Variants in TNFRSF1B observed in about 807,000 individuals in gnomAD.
TNFRSF1B encodes the protein TNF receptor superfamily member 1B, also known as tumor necrosis factor receptor superfamily member 1B.
A neutral mutation model predicts 44.6 loss-of-function variants in TNFRSF1B; 19 were observed. That is an observed-to-expected ratio of 0.43 (90% CI 0.30 to 0.62). TNFRSF1B has a LOEUF of 0.62. Ranked by LOEUF, TNFRSF1B falls within the 20% of genes least tolerant of loss-of-function variation. The pLI, the probability that TNFRSF1B is intolerant of heterozygous loss-of-function variation, is 0.16. For missense variants in TNFRSF1B, 541 were observed against 619.9 expected (o/e 0.87, Z 1.35); for synonymous variants, 252 against 261.1 (o/e 0.97, Z 0.34).
chr1:12,195,479 T>C (rs927022306), intron 8 of TNFRSF1B, among the ~76,000 whole-genome samples: 2 of 152,168 alleles, frequency 1.3e-5, no homozygotes, highest in African/African-American at 4.8e-5. Flanking sequence ...CATAAGATGG[T>C]AATCATCACT....
At chr1:12,167,574 G>C (rs1638422770) in intron 1 of TNFRSF1B, 2 of 306,728 alleles carry the variant, frequency 6.5e-6, no homozygotes, top group Admixed American at 5.5e-5. Flanking sequence ...TGGAGAAGGG[G>C]CTGTGCCGGG....
rs1428640704 is a variant in TNFRSF1B, at chr1:12,167,151, G to A, written c.60G>A (p.Ala20=). The part of the protein sequence containing the change: ...LAVGLELWAA[A]HALPAQVAFT... ...TCGGACTGGAGCTCTGGGCTGCGGC[G>A]CACGCCTTGCCCGCCCAGGTGGGTG... The change falls in exon 1 of 10, where the codon GCG becomes GCA. Residue 20 remains alanine, a synonymous_variant. Coordinates refer to ENST00000376259, the MANE Select transcript of TNFRSF1B (RefSeq NM_001066.3). 3.8e-6 allele frequency: 5 copies of A among 1,310,258 alleles called. No homozygotes were observed. The highest frequency in any genetic ancestry group is 4.9e-6 in the Non-Finnish European group (5 of 1,026,546). The allele number at this position is 1,310,258 out of a possible 1,614,324, so 81.2% of individuals were successfully genotyped here. A position where few individuals can be genotyped will look rare whatever the true frequency, so the allele number is the denominator to read the frequency against.
At chr1:12,191,335 A>T (rs542781729) in intron 3 of TNFRSF1B, among the ~76,000 whole-genome samples, 73 of 152,300 alleles carry the variant, frequency 4.8e-4, no homozygotes, top group Non-Finnish European at 9.3e-4. Flanking sequence ...GGTGCGTGGG[A>T]GAGTGGTGCG....
chr1:12,174,375 G>A (rs1008858336), intron 1 of TNFRSF1B, among the ~76,000 whole-genome samples: 2 of 151,946 alleles, frequency 1.3e-5, no homozygotes, highest in African/African-American at 4.8e-5. Flanking sequence ...AACCTTCCAA[G>A]TAACTGGGAT....
chr1:12,207,122 C>T lies in TNFRSF1B; in HGVS notation c.*102C>T. The T allele has an allele frequency of 7.6e-7, 1 of 1,311,214 alleles. No individual in the cohort carries two copies. Among genetic ancestry groups the T allele is most frequent in the Non-Finnish European group, 1.0e-6 (1 of 984,588 alleles). The allele number at this position is 1,311,214 out of a possible 1,614,324, so 81.2% of individuals were successfully genotyped here. A position where few individuals can be genotyped will look rare whatever the true frequency, so the allele number is the denominator to read the frequency against. On this transcript the variant is annotated 3_prime_UTR_variant, in exon 10 of 10. Coordinates refer to ENST00000376259, the MANE Select transcript of TNFRSF1B (RefSeq NM_001066.3). Reference sequence around the variant, plus strand: ...CTTCCAGGCCCCCACCACTAGGACTCTGAGGCTCTTTCTGGGCCAAGTTCC... The same window carrying T: ...CTTCCAGGCCCCCACCACTAGGACTTTGAGGCTCTTTCTGGGCCAAGTTCC...
chr1:12,167,580 C>T (rs1638423015), intron 1 of TNFRSF1B: 1 of 293,364 alleles, frequency 3.4e-6, no homozygotes, highest in Non-Finnish European at 6.6e-6. Context: ...AGGGGCTGTG[C>T]CGGGGCGCTG....
intron 3 of TNFRSF1B, 73 bp downstream of exon 3, chr1:12,191,158 T>C (rs924487616): frequency 6.4e-7 from 1 of 1,572,452 alleles, no homozygotes; most frequent in Non-Finnish European, 8.6e-7. Context: ...CCAGCCTCTT[T>C]GGCTTCCAGC....
Position 12,167,004 on chromosome 1 carries a change from C to T in TNFRSF1B, c.-88C>T. 3 of 1,025,926 alleles carry T rather than the reference C, an allele frequency of 2.9e-6. No homozygotes were observed. Among genetic ancestry groups the T allele is most frequent in the South Asian group, 3.8e-5 (1 of 26,232 alleles). The allele number at this position is 1,025,926 out of a possible 1,614,324, so 63.6% of individuals were successfully genotyped here. A position where few individuals can be genotyped will look rare whatever the true frequency, so the allele number is the denominator to read the frequency against. On this transcript the variant is annotated 5_prime_UTR_variant, in exon 1 of 10. Transcript: ENST00000376259. Reference sequence around the variant, plus strand: ...GCTTTCGCTTTCAGTCGAGGGCTAGCGAGCGCAGCGGAGCCTGGAGAGAAG... The same window carrying T: ...GCTTTCGCTTTCAGTCGAGGGCTAGTGAGCGCAGCGGAGCCTGGAGAGAAG...
At chr1:12,201,519 C>T (rs1409499503) in intron 8 of TNFRSF1B, among the ~76,000 whole-genome samples, 1 of 150,490 alleles carries the variant, frequency 6.6e-6, no homozygotes, top group Non-Finnish European at 1.5e-5. Context: ...TGTCCAAGGT[C>T]ACACAGCAAG....
rs1557629356 is a variant in TNFRSF1B at position 12,183,772 on chromosome 1, T to TAG, written c.79-5024_79-5023insAG. 1.0e-3 allele frequency among the ~76,000 whole-genome samples: 124 copies of TAG among 120,150 alleles called. 3 individuals are homozygous for TAG. Among genetic ancestry groups the TAG allele is most frequent in the African/African-American group, 2.5e-3 (90 of 35,934 alleles). 78.8% of individuals were successfully genotyped at this position (120,150 alleles called of 152,430 possible). On this transcript the variant is annotated intron_variant, in intron 1 of 9. Coordinates refer to ENST00000376259, the MANE Select transcript of TNFRSF1B (RefSeq NM_001066.3). ...ATCTAGCTAGCTAGCTAGCTAGCTA[T>TAG]CTATTCTATCTACCTACCTATCTAT...
intron 3 of TNFRSF1B, among the ~76,000 whole-genome samples, chr1:12,191,444 T>C (rs1204719243): frequency 2.7e-5 from 4 of 149,818 alleles, no homozygotes; most frequent in Non-Finnish European, 5.9e-5. Flanking sequence ...GGAGCGGCAC[T>C]GCGGGGAGGA....
intron 8 of TNFRSF1B, among the ~76,000 whole-genome samples, chr1:12,195,615 C>T (rs902524603): frequency 6.6e-6 from 1 of 152,110 alleles, no homozygotes; most frequent in Non-Finnish European, 1.5e-5. Context: ...TCTCACTGAC[C>T]AGACAGTGTC....
Position 12,191,031 on chromosome 1 carries a change from C to T in TNFRSF1B, c.253C>T (p.Gln85Ter), listed in dbSNP as rs1639106315. 6.2e-7 allele frequency: 1 copy of T among 1,614,106 alleles called. No homozygotes were observed. The highest frequency in any genetic ancestry group is 1.3e-5 in the African/African-American group (1 of 74,934). ...CTCCTGTGAGGACAGCACATACACCCAGCTCTGGAACTGGGTTCCCGAGTG... is the reference window on the plus strand; with the variant it reads ...CTCCTGTGAGGACAGCACATACACCTAGCTCTGGAACTGGGTTCCCGAGTG... ...CDSCEDSTYT[Q>*]LWNWVPECLS... is the part of the protein sequence containing the mutation. The change falls in exon 3 of 10, where the codon CAG (glutamine) becomes TAG (stop). Residue 85 changes from glutamine (Q) to a stop codon, truncating the protein, a stop_gained. Transcript: ENST00000376259. LOFTEE classifies it high-confidence loss of function.
chr1:12,183,100 G>T (rs1638846905), intron 1 of TNFRSF1B, among the ~76,000 whole-genome samples: 1 of 152,232 alleles, frequency 6.6e-6, no homozygotes. Context: ...GTTGCCCCTG[G>T]GAGGTAGCAG....
At position 12,199,024 on chromosome 1, in the gene TNFRSF1B, A is replaced by C. The variant is rs904832323; in HGVS notation, c.901-2943A>C. ...TCCTGTGTTTTGAATGAGGCTCCTC[A>C]GTACTCGGCTCTACTGGGGTCCCAG... is the stretch of plus-strand genomic sequence containing the variant. On this transcript the variant is annotated intron_variant, in intron 8 of 9. Transcript: ENST00000376259. The surrounding 1 kb of genome is among the most constrained non-coding windows in gnomAD (Gnocchi z 4.0). Among the ~76,000 whole-genome samples, 11 of 152,094 alleles carry C rather than the reference A, an allele frequency of 7.2e-5. No homozygotes were observed. Among genetic ancestry groups the C allele is most frequent in the Non-Finnish European group, 1.0e-4 (7 of 68,016 alleles).
At chr1:12,173,652 G>A (rs987216159) in intron 1 of TNFRSF1B, among the ~76,000 whole-genome samples, 10 of 152,346 alleles carry the variant, frequency 6.6e-5, no homozygotes, top group African/African-American at 2.2e-4. Flanking sequence ...GTTCAAGGAA[G>A]CCTTGAGCAG....
At chr1:12,203,430 G>A (rs1023328812) in intron 9 of TNFRSF1B, among the ~76,000 whole-genome samples, 3 of 152,000 alleles carry the variant, frequency 2.0e-5, no homozygotes, top group Admixed American at 1.3e-4. Flanking sequence ...AGCTCACTGC[G>A]CCCCTGCCTC....
Position 12,188,909 on chromosome 1 carries a change from CG to C in TNFRSF1B, c.178+19del. The stretch of plus-strand genomic sequence containing the variant: ...AATGCTCGCCGGGTGAGGGCAGCCA[CG>C]GGGGCACTCGGGGCCCATGCCCTGG... On this transcript the variant is annotated intron_variant, in intron 2 of 9. Coordinates refer to ENST00000376259, the MANE Select transcript of TNFRSF1B (RefSeq NM_001066.3). The C allele has an allele frequency of 1.9e-6, 3 of 1,608,564 alleles. No individual in the cohort carries two copies. Among genetic ancestry groups the C allele is most frequent in the South Asian group, 1.1e-5 (1 of 90,746 alleles).
chr1:12,190,489 T>C (rs1370923729), intron 2 of TNFRSF1B, among the ~76,000 whole-genome samples: 2 of 143,634 alleles, frequency 1.4e-5, no homozygotes, highest in African/African-American at 5.1e-5. Flanking sequence ...AAGCAGCTAC[T>C]GAGTCAACTT....
Sources: allele counts gnomAD v4.1 joint callset (sites outside exome capture counted in the v4.1 genomes callset), GRCh38; gene constraint gnomAD v4.1.1; non-coding constraint Gnocchi (gnomAD v3.1); transcripts MANE v1.5; gene names NCBI Gene and HGNC (gene_info 2026-07-23, HGNC 2026-07-21).